Variants in SLIT2 observed in about 807,000 individuals in gnomAD.
The protein encoded by SLIT2 is slit homolog 2 protein.
Under a neutral mutation model 185.7 loss-of-function variants are expected in SLIT2, and 41 were observed. The observed-to-expected ratio is 0.22, with a 90% confidence interval of 0.17 to 0.29. The LOEUF (loss-of-function observed/expected upper bound fraction) is 0.29. Among genes scored for constraint, SLIT2 ranks in the 10% least tolerant of loss-of-function variants. The pLI, the probability that SLIT2 is intolerant of heterozygous loss-of-function variation, is 1.00. For missense variants in SLIT2, 1,571 were observed against 1,909.0 expected, an observed-to-expected ratio of 0.82 and a Z score of 3.30; for synonymous variants, 693 against 680.2, an observed-to-expected ratio of 1.02 and a Z score of -0.29.
intron 3 of SLIT2, among the ~76,000 whole-genome samples, chr4:20,265,104 A>G (rs550632495): frequency 6.6e-6 from 1 of 151,864 alleles, no homozygotes; most frequent in Admixed American, 6.6e-5. Context: ...TTTAACTTCA[A>G]CTCATTTACG....
chr4:20,598,420 A>G, intron 33 of SLIT2, 25 bp downstream of exon 33: 2 of 1,613,130 alleles, frequency 1.2e-6, no homozygotes, highest in Non-Finnish European at 1.7e-6. Flanking sequence ...GTTACGGGTA[A>G]AGGTGAAAAA....
intron 4 of SLIT2, among the ~76,000 whole-genome samples, chr4:20,438,283 G>A (rs116253980): frequency 0.015 from 2,233 of 152,204 alleles, 63 homozygotes; most frequent in African/African-American, 0.052. Flanking sequence ...CCAACACTGG[G>A]CAATTTACAC....
chr4:20,290,755 G>GTTTT (rs11438198), intron 4 of SLIT2, among the ~76,000 whole-genome samples: 135 of 141,696 alleles, frequency 9.5e-4, no homozygotes, highest in African/African-American at 3.2e-3. Flanking sequence ...TGTTTTCATG[G>GTTTT]TTTTTTTTTT....
At position 20,299,395 on chromosome 4, in the gene SLIT2, T is replaced by C. The variant is rs1359217268; in HGVS notation, c.395+30514T>C. Among the ~76,000 whole-genome samples the C allele has an allele frequency of 2.6e-5, 4 of 152,208 alleles. No homozygotes were observed. In the East Asian group the frequency reaches 5.8e-4, roughly 22 times the overall value. On this transcript the variant is annotated intron_variant, in intron 4 of 36. Coordinates refer to ENST00000504154, the MANE Select transcript of SLIT2 (RefSeq NM_004787.4). ...GTGAAGAAATAGCTATTATACTTTC[T>C]TGTACAGTTCGTTCAAAGGAGGACA...
chr4:20,410,840 G>GTCAA (rs1727196369), intron 4 of SLIT2, among the ~76,000 whole-genome samples: 1 of 152,046 alleles, frequency 6.6e-6, no homozygotes, highest in Non-Finnish European at 1.5e-5. Flanking sequence ...TTTGAAGCTG[G>GTCAA]GTAGTGTGAT....
At chr4:20,260,660 C>CT (rs36082639) in intron 3 of SLIT2, among the ~76,000 whole-genome samples, 102,060 of 151,572 alleles carry the variant, frequency 0.67, 34,463 homozygotes, top group East Asian at 0.81. Flanking sequence ...AGATCTGTAC[C>CT]TTTTAAAAAT....
chr4:20,255,345 C>T (rs1472466063), intron 1 of SLIT2, among the ~76,000 whole-genome samples: 2 of 152,230 alleles, frequency 1.3e-5, no homozygotes, highest in Non-Finnish European at 2.9e-5. Context: ...GCAAATGGCT[C>T]TTCTACCCCC....
At chr4:20,427,269 A>C (rs1191535431) in intron 4 of SLIT2, among the ~76,000 whole-genome samples, 1 of 152,198 alleles carries the variant, frequency 6.6e-6, no homozygotes, top group Non-Finnish European at 1.5e-5. Flanking sequence ...GTGCTCCTTC[A>C]GGAAAAGGAT....
intron 4 of SLIT2, among the ~76,000 whole-genome samples, chr4:20,288,387 A>G (rs1715478231): frequency 1.3e-5 from 2 of 152,184 alleles, no homozygotes; most frequent in Admixed American, 6.5e-5. Flanking sequence ...ATTCTCAATA[A>G]ATATTCACTG....
intron 4 of SLIT2, among the ~76,000 whole-genome samples, chr4:20,366,190 C>T (rs1284192366): frequency 7.2e-5 from 11 of 152,004 alleles, no homozygotes; most frequent in Non-Finnish European, 1.5e-4. Flanking sequence ...CCTCTTTGTC[C>T]TTCTTTTTCT....
intron 4 of SLIT2, among the ~76,000 whole-genome samples, chr4:20,390,436 A>G (rs1342741000): frequency 2.6e-5 from 4 of 152,104 alleles, no homozygotes; most frequent in African/African-American, 9.7e-5. Flanking sequence ...TACAGAGATA[A>G]CATTAGGATG....
intron 6 of SLIT2, among the ~76,000 whole-genome samples, chr4:20,483,743 A>G (rs1460932214): frequency 6.6e-6 from 1 of 152,088 alleles, no homozygotes. Flanking sequence ...TTTGTATTAG[A>G]ATACTCATTA....
chr4:20,280,458 C>A lies in SLIT2; in HGVS notation c.395+11577C>A, dbSNP rs188156557. ...AAGATACTGGCTTTTTTTTGAGGAT[C>A]AGTTTCTGTGTTTATATATGAGTAT... On this transcript the variant is annotated intron_variant, in intron 4 of 36. Coordinates refer to ENST00000504154, the MANE Select transcript of SLIT2 (RefSeq NM_004787.4). Among the ~76,000 whole-genome samples, 4 of 151,086 alleles carry A rather than the reference C, an allele frequency of 2.6e-5. No individual in the cohort carries two copies. In the East Asian group the frequency reaches 7.7e-4, roughly 29 times the overall value.
chr4:20,453,367 G>A (rs1712690631), intron 4 of SLIT2, among the ~76,000 whole-genome samples: 1 of 152,042 alleles, frequency 6.6e-6, no homozygotes, highest in Non-Finnish European at 1.5e-5. Flanking sequence ...ATTGTACTTT[G>A]ATAGATATAA....
At chr4:20,602,578 G>T (rs953569576) in intron 33 of SLIT2, among the ~76,000 whole-genome samples, 1 of 152,116 alleles carries the variant, frequency 6.6e-6, no homozygotes, top group African/African-American at 2.4e-5. Flanking sequence ...AAATACAGGC[G>T]TTGGGCACCA....
intron 5 of SLIT2, among the ~76,000 whole-genome samples, chr4:20,478,744 A>G (rs920176437): frequency 3.9e-5 from 6 of 152,220 alleles, no homozygotes; most frequent in African/African-American, 1.4e-4. Context: ...TGTCAGGGGT[A>G]ACACTTCATG....
intron 4 of SLIT2, among the ~76,000 whole-genome samples, chr4:20,325,129 C>T (rs144336295): frequency 4.0e-5 from 6 of 151,776 alleles, no homozygotes; most frequent in Admixed American, 6.6e-5. Flanking sequence ...CCCCTCTAAC[C>T]CTGTCCTTCC....
chr4:20,324,652 A>G (rs1253205706), intron 4 of SLIT2, among the ~76,000 whole-genome samples: 1 of 152,188 alleles, frequency 6.6e-6, no homozygotes, highest in East Asian at 1.9e-4. Context: ...TCACAGAATA[A>G]CTATGTGATG....
chr4:20,341,778 A>G (rs1350102478), intron 4 of SLIT2, among the ~76,000 whole-genome samples: 1 of 152,214 alleles, frequency 6.6e-6, no homozygotes, highest in East Asian at 1.9e-4. Context: ...ACATACTCAC[A>G]CTTAATACTA....
Sources: allele counts gnomAD v4.1 joint callset (sites outside exome capture counted in the v4.1 genomes callset), GRCh38; gene constraint gnomAD v4.1.1; transcripts MANE v1.5; gene names NCBI Gene and HGNC (gene_info 2026-07-23, HGNC 2026-07-21).